SEMA4D: variants seen among roughly 807,000 people sequenced by gnomAD.
The protein encoded by SEMA4D is semaphorin-4D.
A neutral mutation model predicts 74.8 loss-of-function variants in SEMA4D; 22 were observed. The ratio of observed to expected loss-of-function variants is 0.29; its 90% CI spans 0.21 to 0.42. The LOEUF is 0.42. Ranked by LOEUF, SEMA4D falls within the 10% of genes least tolerant of loss-of-function variation. The pLI is 1.00. For missense variants in SEMA4D, 937 were observed against 1,118.4 expected, an observed-to-expected ratio of 0.84 and a Z score of 2.31; for synonymous variants, 445 against 463.7, an observed-to-expected ratio of 0.96 and a Z score of 0.52.
intron 2 of SEMA4D, among the ~76,000 whole-genome samples, chr9:89,420,912 G>A (rs1023772735): frequency 6.6e-6 from 1 of 152,228 alleles, no homozygotes; most frequent in African/African-American, 2.4e-5. Context: ...CTAGGTGCCC[G>A]ATGCTGTTTA....
intron 1 of SEMA4D, among the ~76,000 whole-genome samples, chr9:89,487,195 C>T (rs1825263874): frequency 6.7e-6 from 1 of 150,016 alleles, no homozygotes; most frequent in Non-Finnish European, 1.5e-5. Context: ...ACATAATTAC[C>T]AAGTGGGATT....
intron 13 of SEMA4D, chr9:89,385,208 T>G: frequency 1.1e-6 from 1 of 950,592 alleles, no homozygotes; most frequent in Non-Finnish European, 1.3e-6. Flanking sequence ...TCAGTGCCCA[T>G]GTGCCCTGGA....
intron 2 of SEMA4D, among the ~76,000 whole-genome samples, chr9:89,433,505 C>T (rs1849723658): frequency 6.6e-6 from 1 of 152,250 alleles, no homozygotes; most frequent in Non-Finnish European, 1.5e-5. Flanking sequence ...GTGCCACATG[C>T]TACGGCCTTC....
Position 89,454,389 on chromosome 9 carries a change from CT to C in SEMA4D, c.-244+1498del, listed in dbSNP as rs112078052. On this transcript the variant is annotated intron_variant, in intron 2 of 15. Coordinates refer to ENST00000422704, the MANE Select transcript of SEMA4D (RefSeq NM_001371194.2). ...TGGTGTGGACGTGGCTGAGGCTCCC[CT>C]AGCTTGGTGTGGCTGACATGGTCAG... Among the ~76,000 whole-genome samples, 318 of 152,284 alleles carry C rather than the reference CT, an allele frequency of 2.1e-3. 1 individual carries two copies. The highest frequency in any genetic ancestry group is 7.3e-3 in the African/African-American group (304 of 41,562).
chr9:89,464,827 G>GT (rs1588088552), intron 1 of SEMA4D, among the ~76,000 whole-genome samples: 1 of 152,072 alleles, frequency 6.6e-6, no homozygotes, highest in East Asian at 1.9e-4. Context: ...ACCACGGGGT[G>GT]TGGGGGGAGG....
intron 2 of SEMA4D, among the ~76,000 whole-genome samples, chr9:89,423,293 G>C (rs957980040): frequency 6.6e-6 from 1 of 151,756 alleles, no homozygotes; most frequent in Non-Finnish European, 1.5e-5. Context: ...CCGGGTTCAA[G>C]TGATTCTCCT....
chr9:89,453,353 G>C (rs976549712), intron 2 of SEMA4D, among the ~76,000 whole-genome samples: 7 of 152,260 alleles, frequency 4.6e-5, no homozygotes, highest in Non-Finnish European at 1.0e-4. Flanking sequence ...ACATGCAAGT[G>C]TAAGAGTTTG....
At chr9:89,461,700 C>CTCTCTCTCTTTTTTTTTTTTTTTT (rs71281350) in intron 1 of SEMA4D, among the ~76,000 whole-genome samples, 6 of 103,644 alleles carry the variant, frequency 5.8e-5, no homozygotes, top group South Asian at 3.8e-4. Context: ...TCTTTTTTCT[C>CTCTCTCTCTTTTTTTTTTTTTTTT]TTTTTTTTTT....
chr9:89,365,984 G>GGACTT (rs1283762041), intron 16 of SEMA4D, among the ~76,000 whole-genome samples: 1 of 152,186 alleles, frequency 6.6e-6, no homozygotes, highest in Non-Finnish European at 1.5e-5. Flanking sequence ...CTCCTCCCAA[G>GGACTT]GACTTGACCA....
intron 1 of SEMA4D, among the ~76,000 whole-genome samples, chr9:89,473,162 T>A (rs1860839401): frequency 6.6e-6 from 1 of 152,180 alleles, no homozygotes; most frequent in Non-Finnish European, 1.5e-5. Flanking sequence ...CCACTTTTCC[T>A]AAGATATTGT....
At chr9:89,396,943 C>A in intron 5 of SEMA4D, 108 bp from the exon 6 acceptor site, 1 of 980,488 alleles carries the variant, frequency 1.0e-6, no homozygotes, top group Non-Finnish European at 1.6e-6. Context: ...CATTCACCAA[C>A]ACCAGCTCAC....
chr9:89,400,625 CAG>C (rs1281069721), intron 4 of SEMA4D, among the ~76,000 whole-genome samples: 1 of 152,202 alleles, frequency 6.6e-6, no homozygotes, highest in African/African-American at 2.4e-5. Context: ...AAAAGCGGAA[CAG>C]AGTCTCATTT....
chr9:89,438,471 G>A (rs1019022826), intron 2 of SEMA4D, among the ~76,000 whole-genome samples: 1 of 152,214 alleles, frequency 6.6e-6, no homozygotes, highest in Non-Finnish European at 1.5e-5. Context: ...CGACAGAGCT[G>A]GGGTCATGCA....
intron 1 of SEMA4D, among the ~76,000 whole-genome samples, chr9:89,490,211 G>A (rs1825520647): frequency 6.6e-6 from 1 of 152,128 alleles, no homozygotes; most frequent in South Asian, 2.1e-4. Flanking sequence ...TGGTTGAGTT[G>A]TAGCTCCCAG....
In SEMA4D at chr9:89,379,699, A is replaced by G. The variant is rs963128694; in HGVS notation, c.1664-70T>C. ...TGCTATTTAACAACTTCTTTAAAAT[A>G]CCCACAAGATGACGCAAGAGTTTCA... On this transcript the variant is annotated intron_variant, in intron 15 of 15. Transcript: ENST00000422704. 2.0e-6 allele frequency: 3 copies of G among 1,500,956 alleles called. No homozygotes were observed. In the African/African-American group the frequency reaches 4.2e-5, roughly 21 times the overall value. The allele number at this position is 1,500,956 out of a possible 1,614,324, so 93.0% of individuals were successfully genotyped here.
intron 2 of SEMA4D, among the ~76,000 whole-genome samples, chr9:89,452,482 C>A (rs2135457041): frequency 6.6e-6 from 1 of 151,994 alleles, no homozygotes; most frequent in Non-Finnish European, 1.5e-5. Flanking sequence ...CCAGCCTTTT[C>A]ACTCTGTCGC....
At chr9:89,466,891 T>C (rs1858871056) in intron 1 of SEMA4D, among the ~76,000 whole-genome samples, 2 of 152,248 alleles carry the variant, frequency 1.3e-5, no homozygotes, top group East Asian at 3.9e-4. Flanking sequence ...ACAGTGGTCT[T>C]GTTACTCTAT....
At chr9:89,376,718 A>C (rs998061008), downstream of SEMA4D, 13 of 1,394,826 alleles carry the variant, frequency 9.3e-6, no homozygotes, top group African/African-American at 1.4e-4. Context: ...CAGCCAGGAC[A>C]GATAAGGAAG....
intron 1 of SEMA4D, among the ~76,000 whole-genome samples, chr9:89,496,397 G>A (rs1002563408): frequency 2.0e-5 from 3 of 152,154 alleles, no homozygotes; most frequent in South Asian, 4.2e-4. Flanking sequence ...ACTCCTAAGC[G>A]GCCCACCCTC....
Sources: gnomAD v4.1 joint callset for allele counts (sites outside exome capture counted in the v4.1 genomes callset) on GRCh38, gnomAD v4.1.1 for gene constraint, MANE v1.5 for transcripts, NCBI Gene and HGNC (gene_info 2026-07-23, HGNC 2026-07-21) for gene names.